The following SBF2 variants were observed in gnomAD, a reference collection of about 807,000 sequenced individuals.
SBF2 encodes SET binding factor 2.
SBF2 carries 112 observed loss-of-function variants against 225.2 expected under a neutral mutation model. That is an observed-to-expected ratio of 0.50 (90% CI 0.43 to 0.58). SBF2 has a LOEUF of 0.58. SBF2 is among the 20% of genes least tolerant of loss of function. SBF2 has a pLI of 0.00. For missense variants in SBF2, 1,996 were observed against 2,206.2 expected, an observed-to-expected ratio of 0.90 and a Z score of 1.91; for synonymous variants, 763 against 773.3, an observed-to-expected ratio of 0.99 and a Z score of 0.22.
At chr11:9,783,645 T>C (rs1484479710) in intron 38 of SBF2, among the ~76,000 whole-genome samples, 1 of 152,166 alleles carries the variant, frequency 6.6e-6, no homozygotes, top group Non-Finnish European at 1.5e-5. Context: ...ATGCTAAGGA[T>C]TGCAGAGGCT....
At chr11:10,140,541 T>C (rs572196785) in intron 2 of SBF2, among the ~76,000 whole-genome samples, 2 of 152,320 alleles carry the variant, frequency 1.3e-5, no homozygotes, top group South Asian at 4.1e-4. Flanking sequence ...GTGTCCTATG[T>C]GTGTCTTGCA....
At chr11:10,289,443 C>A (rs1964019982) in intron 1 of SBF2, among the ~76,000 whole-genome samples, 2 of 152,126 alleles carry the variant, frequency 1.3e-5, no homozygotes, top group South Asian at 4.1e-4. Flanking sequence ...CTAGCCATGC[C>A]CCCTCGTAGC....
chr11:9,833,621 C>A (rs558048414), intron 26 of SBF2, among the ~76,000 whole-genome samples: 3 of 151,884 alleles, frequency 2.0e-5, no homozygotes, highest in Non-Finnish European at 2.9e-5. Flanking sequence ...GGGGTTTCAC[C>A]GTGTTAGCCA....
intron 3 of SBF2, among the ~76,000 whole-genome samples, chr11:10,034,953 T>C (rs371677932): frequency 3.3e-5 from 5 of 152,186 alleles, no homozygotes; most frequent in African/African-American, 1.2e-4. Context: ...GTCTGGGAAA[T>C]AATGAATGCA....
In SBF2 at chr11:9,933,463, C is replaced by G. The variant is rs74410514; in HGVS notation, c.1860+28494G>C. The stretch of plus-strand genomic sequence containing the variant: ...ACAGAAATCACAACAAACTGTGTCT[C>G]AGACCACAGTGCAATCAAATTAGAA... On this transcript the variant is annotated intron_variant, in intron 16 of 39. Coordinates refer to ENST00000256190, the MANE Select transcript of SBF2 (RefSeq NM_030962.4). Among the ~76,000 whole-genome samples, 881 of 152,330 alleles carry G rather than the reference C, an allele frequency of 5.8e-3. 6 individuals carry two copies. The highest frequency in any genetic ancestry group is 7.8e-3 in the Non-Finnish European group (529 of 68,030).
At chr11:9,819,659 T>G (rs922746622) in intron 28 of SBF2, among the ~76,000 whole-genome samples, 2 of 152,116 alleles carry the variant, frequency 1.3e-5, no homozygotes, top group African/African-American at 4.8e-5. Flanking sequence ...ATTAAGGAAT[T>G]TGGGGTGTGT....
intron 1 of SBF2, among the ~76,000 whole-genome samples, chr11:10,204,241 A>C (rs1591206830): frequency 1.1e-5 from 1 of 88,164 alleles, no homozygotes; most frequent in East Asian, 4.0e-4. Context: ...TACTGAAAGC[A>C]AAAAAAAAAA....
intron 2 of SBF2, among the ~76,000 whole-genome samples, chr11:10,047,392 A>T (rs1159410441): frequency 6.6e-6 from 1 of 152,170 alleles, no homozygotes; most frequent in Non-Finnish European, 1.5e-5. Flanking sequence ...AGTAGACAAG[A>T]CAGTGTGATA....
At chr11:10,258,887 C>T (rs559570504) in intron 1 of SBF2, among the ~76,000 whole-genome samples, 95 of 152,124 alleles carry the variant, frequency 6.2e-4, no homozygotes, top group Admixed American at 3.3e-3. Flanking sequence ...ATGGAAATCA[C>T]AAAGGAGTAA....
chr11:9,858,215 T>G lies in SBF2; in HGVS notation c.2100+11A>C. ...ATCCCACACAATTAGAGTTCTTTTC[T>G]TCTCTCTTACCTTTTGCTTCAGATG... On this transcript the variant is annotated intron_variant, in intron 18 of 39. Transcript: ENST00000256190. 1 of 1,614,024 alleles carries G rather than the reference T, an allele frequency of 6.2e-7. No individual in the cohort carries two copies. The highest frequency in any genetic ancestry group is 8.5e-7 in the Non-Finnish European group (1 of 1,179,884).
chr11:9,875,398 C>T (rs774677989), intron 17 of SBF2, among the ~76,000 whole-genome samples: 8 of 152,202 alleles, frequency 5.3e-5, no homozygotes, highest in African/African-American at 9.7e-5. Context: ...CCACGAGCTC[C>T]TCTTTTTATT....
chr11:10,220,409 A>G (rs1292305534), intron 1 of SBF2, among the ~76,000 whole-genome samples: 3 of 152,094 alleles, frequency 2.0e-5, no homozygotes, highest in African/African-American at 4.8e-5. Flanking sequence ...GATACCTCCA[A>G]TCGTTCTAGA....
chr11:9,901,607 A>C (rs954391190), intron 16 of SBF2, among the ~76,000 whole-genome samples: 1 of 152,228 alleles, frequency 6.6e-6, no homozygotes, highest in Non-Finnish European at 1.5e-5. Flanking sequence ...GCAGGGGTTA[A>C]GTCATACCCT....
At chr11:10,019,503 C>G (rs1236415163) in intron 6 of SBF2, among the ~76,000 whole-genome samples, 1 of 152,062 alleles carries the variant, frequency 6.6e-6, no homozygotes, top group Non-Finnish European at 1.5e-5. Flanking sequence ...CTTGTGTACT[C>G]AAATTTGCAA....
chr11:10,111,376 G>A, intron 2 of SBF2, among the ~76,000 whole-genome samples: 1 of 152,150 alleles, frequency 6.6e-6, no homozygotes, highest in Admixed American at 6.5e-5. Flanking sequence ...AAGAATATAT[G>A]TTTTAGGCTT....
chr11:10,143,294 C>T (rs897807139), intron 2 of SBF2, among the ~76,000 whole-genome samples: 43 of 152,106 alleles, frequency 2.8e-4, no homozygotes, highest in African/African-American at 1.0e-3. Flanking sequence ...ACCTCGGCCT[C>T]CCAAATAGCT....
chr11:10,215,521 A>G (rs1958095879), intron 1 of SBF2, among the ~76,000 whole-genome samples: 1 of 152,018 alleles, frequency 6.6e-6, no homozygotes, highest in South Asian at 2.1e-4. Context: ...ATCAATAACA[A>G]CCAAGGTGGG....
chr11:10,097,818 A>G (rs1015524856), intron 2 of SBF2, among the ~76,000 whole-genome samples: 1 of 152,148 alleles, frequency 6.6e-6, no homozygotes, highest in African/African-American at 2.4e-5. Flanking sequence ...TCAGCCTTGG[A>G]TCTGTCTCAC....
chr11:10,003,385 T>G (rs907727105), intron 6 of SBF2, among the ~76,000 whole-genome samples: 1 of 137,948 alleles, frequency 7.2e-6, no homozygotes, highest in African/African-American at 2.6e-5. Context: ...TTTTTTTTTT[T>G]GAGACGGAGC....
Sources: allele counts gnomAD v4.1 joint callset (sites outside exome capture counted in the v4.1 genomes callset), GRCh38; gene constraint gnomAD v4.1.1; transcripts MANE v1.5; gene names NCBI Gene and HGNC (gene_info 2026-07-23, HGNC 2026-07-21).